CYP4F3: variants seen among roughly 807,000 people sequenced by gnomAD.
CYP4F3 encodes the protein cytochrome P450 family 4 subfamily F member 3, also known as cytochrome P450 4F3.
Under a neutral mutation model 54.8 loss-of-function variants are expected in CYP4F3, and 50 were observed. The ratio of observed to expected loss-of-function variants is 0.91; its 90% CI spans 0.73 to 1.16. The LOEUF (loss-of-function observed/expected upper bound fraction) is 1.16, where lower values mean the gene tolerates loss of function less well. CYP4F3 is among the 50% of genes most tolerant of loss of function. CYP4F3 has a pLI of 0.00. For missense variants in CYP4F3, 715 were observed against 676.2 expected (o/e 1.06, Z -0.64); for synonymous variants, 244 against 262.6 (o/e 0.93, Z 0.69).
rs1973162693 is a variant in CYP4F3 at position 15,660,691 on chromosome 19, G to C, written c.*1306G>C. ...TCACCTGGGGACCACTCCAGAGTGA[G>C]TAGACAAGACTTTGACAGGGGTGCC... On this transcript the variant is annotated 3_prime_UTR_variant, in exon 13 of 13. Coordinates refer to ENST00000221307, the MANE Select transcript of CYP4F3 (RefSeq NM_000896.3). The C allele has an allele frequency of 6.6e-6, 1 of 151,924 alleles. No homozygotes were observed. The highest frequency in any genetic ancestry group is 1.5e-5 in the Non-Finnish European group (1 of 68,246). The allele number at this position is 151,924 out of a possible 1,614,324, so 9.4% of individuals were successfully genotyped here.
chr19:15,647,359 CTT>C, intron 5 of CYP4F3, 35 bp downstream of exon 5: 1 of 1,613,232 alleles, frequency 6.2e-7, no homozygotes. Flanking sequence ...CAGCTGCAGC[CTT>C]TGGTTGGGGG....
chr19:15,652,309 A>G (rs1599901089), intron 7 of CYP4F3, among the ~76,000 whole-genome samples: 1 of 152,254 alleles, frequency 6.6e-6, no homozygotes, highest in Middle Eastern at 3.4e-3. Flanking sequence ...GTTTTCATCA[A>G]GCAGAAACAT....
chr19:15,650,183 G>A lies in CYP4F3; in HGVS notation c.918G>A (p.Lys306=), dbSNP rs1972753186. Residue 306 remains lysine (K), a splice_region_variant and synonymous_variant, in exon 7 of 13, where the codon AAG becomes AAA. Transcript: ENST00000221307. ...LDFIDVLLLS[K]DEDGKKLSDE... The stretch of plus-strand genomic sequence containing the variant: ...TCATTGATGTACTCCTGCTGAGCAA[G>A]GTGGGCCTCTCTGGGATCTGAATTC... The A allele has an allele frequency of 6.2e-7, 1 of 1,614,074 alleles. No homozygotes were observed. The highest frequency in any genetic ancestry group is 1.7e-5 in the Admixed American group (1 of 60,008).
chr19:15,658,333 C>A lies in CYP4F3; in HGVS notation c.1185C>A (p.Val395=). 1 of 1,614,142 alleles carries A rather than the reference C, an allele frequency of 6.2e-7. No individual in the cohort carries two copies. Among genetic ancestry groups the A allele is most frequent in the Non-Finnish European group, 8.5e-7 (1 of 1,180,032 alleles). Residue 395 remains valine, a synonymous_variant, in exon 10 of 13, where the codon GTC becomes GTA. Transcript: ENST00000221307. ...IKESLRLHPP[V]PAVSRCCTQD... ...AGAGCCTGAGGCTGCATCCCCCAGTCCCTGCCGTCTCTCGCTGCTGCACCC... is the reference window on the plus strand; with the variant it reads ...AGAGCCTGAGGCTGCATCCCCCAGTACCTGCCGTCTCTCGCTGCTGCACCC...
At chr19:15,646,996 C>G in intron 3 of CYP4F3, 56 bp from the exon 4 acceptor site, 1 of 1,607,642 alleles carries the variant, frequency 6.2e-7, no homozygotes, top group Non-Finnish European at 8.5e-7. Context: ...CCCCCCACCC[C>G]CAAAGTTCCT....
chr19:15,644,312 A>G (rs1049946862), intron 2 of CYP4F3, among the ~76,000 whole-genome samples: 1 of 152,040 alleles, frequency 6.6e-6, no homozygotes, highest in African/African-American at 2.4e-5. Context: ...GTCCTGGAGG[A>G]ACCCCCAAGC....
intron 2 of CYP4F3, among the ~76,000 whole-genome samples, chr19:15,645,437 T>G (rs1248800719): frequency 6.6e-6 from 1 of 152,204 alleles, no homozygotes; most frequent in Non-Finnish European, 1.5e-5. Flanking sequence ...CTTTATCATT[T>G]AGAGCCTCAG....
chr19:15,642,383 TG>T (rs1568390769), intron 2 of CYP4F3, among the ~76,000 whole-genome samples: 1 of 152,188 alleles, frequency 6.6e-6, no homozygotes, highest in Non-Finnish European at 1.5e-5. Flanking sequence ...GAGTCACCTC[TG>T]CTCCCCTAGT....
intron 8 of CYP4F3, 74 bp downstream of exon 8, chr19:15,652,709 C>T (rs984571381): frequency 1.5e-5 from 24 of 1,610,650 alleles, no homozygotes; most frequent in Admixed American, 1.0e-4. Context: ...GTGGACCCCT[C>T]GCACTTCCCA....
intron 9 of CYP4F3, among the ~76,000 whole-genome samples, chr19:15,655,401 C>T (rs1972985341): frequency 6.6e-6 from 1 of 152,106 alleles, no homozygotes; most frequent in Non-Finnish European, 1.5e-5. Flanking sequence ...TCTCTATTGG[C>T]TCTGCTTTTG....
intron 9 of CYP4F3, among the ~76,000 whole-genome samples, chr19:15,653,321 A>AG (rs1972916326): frequency 6.6e-6 from 1 of 151,488 alleles, no homozygotes; most frequent in Non-Finnish European, 1.5e-5. Context: ...CTACCCTTCC[A>AG]TCCAGTCCAG....
chr19:15,641,701 G>T, intron 2 of CYP4F3, 88 bp downstream of exon 2: 1 of 1,340,200 alleles, frequency 7.5e-7, no homozygotes. Context: ...GAGGGGGTGG[G>T]CTGGGGTCTG....
intron 9 of CYP4F3, among the ~76,000 whole-genome samples, chr19:15,653,613 G>T (rs1282525641): frequency 6.6e-5 from 10 of 152,092 alleles, no homozygotes; most frequent in Admixed American, 6.5e-4. Context: ...AGGACTAGGG[G>T]GGTATAGAAA....
chr19:15,645,328 G>A (rs547623830), intron 2 of CYP4F3, among the ~76,000 whole-genome samples: 13 of 152,308 alleles, frequency 8.5e-5, no homozygotes, highest in Non-Finnish European at 1.9e-4. Context: ...TGTTTTGGGG[G>A]CACAAAGAAG....
intron 3 of CYP4F3, among the ~76,000 whole-genome samples, chr19:15,646,524 C>T (rs756257467): frequency 5.3e-5 from 8 of 152,118 alleles, no homozygotes; most frequent in Non-Finnish European, 1.0e-4. Context: ...ATGTGGAACA[C>T]GCTTTTAAGG....
At position 15,652,853 on chromosome 19, in the gene CYP4F3, G is replaced by C; in HGVS notation, c.1016G>C (p.Trp339Ser). 6.2e-7 allele frequency: 1 copy of C among 1,613,650 alleles called. No individual in the cohort carries two copies. Among genetic ancestry groups the C allele is most frequent in the Non-Finnish European group, 8.5e-7 (1 of 1,179,746 alleles). Reference sequence around the variant, plus strand: ...GACACCACAGCCAGTGGTCTCTCCTGGGTCCTGTACCACCTTGCAAAGCAC... The same window carrying C: ...GACACCACAGCCAGTGGTCTCTCCTCGGTCCTGTACCACCTTGCAAAGCAC... ...GHDTTASGLS[W>S]VLYHLAKHPE... The change falls in exon 9 of 13, where the codon TGG (tryptophan) becomes TCG (serine). Residue 339 changes from tryptophan (W) to serine (S), a missense_variant. By Grantham distance (177) the Trp-to-Ser change is radical (BLOSUM62 -3). Coordinates refer to ENST00000221307, the MANE Select transcript of CYP4F3 (RefSeq NM_000896.3).
chr19:15,655,705 G>A (rs28371489), intron 9 of CYP4F3, among the ~76,000 whole-genome samples: 19,593 of 152,062 alleles, frequency 0.13, 1,681 homozygotes, highest in Middle Eastern at 0.22. Flanking sequence ...AATAGACACG[G>A]GTCTGCATAT....
chr19:15,661,268 AAAAAC>A lies in CYP4F3; in HGVS notation c.*1913_*1917del, dbSNP rs149539096. 0.58 allele frequency: 85,106 copies of A among 146,698 alleles called. 24,455 individuals carry two copies. The highest frequency in any genetic ancestry group is 0.7 in the East Asian group (3,445 of 4,952). The allele number at this position is 146,698 out of a possible 1,614,324, so 9.1% of individuals were successfully genotyped here. A position where few individuals can be genotyped will look rare whatever the true frequency, so the allele number is the denominator to read the frequency against. ...GGGGGACATAGCGAGACTCGGTCTC[AAAAAC>A]AAAACAAAACAAAACAAAACAAAAC... On this transcript the variant is annotated 3_prime_UTR_variant, in exon 13 of 13. Coordinates refer to ENST00000221307, the MANE Select transcript of CYP4F3 (RefSeq NM_000896.3).
In CYP4F3 at chr19:15,641,573, A is replaced by G; in HGVS notation, c.158A>G (p.Gln53Arg). Residue 53 changes from glutamine to arginine, a missense_variant, in exon 2 of 13, where the codon CAA becomes CGA. Coordinates refer to ENST00000221307, the MANE Select transcript of CYP4F3 (RefSeq NM_000896.3). Reference sequence around the variant, plus strand: ...TGCTGCCGCCTCCGGTGTTTCCCGCAACCCCCGAAACGGAATTGGTTCTTG... The same window carrying G: ...TGCTGCCGCCTCCGGTGTTTCCCGCGACCCCCGAAACGGAATTGGTTCTTG... Reference protein sequence around the residue: ...DNCCRLRCFPQPPKRNWFLGH... With the variant: ...DNCCRLRCFPRPPKRNWFLGH... The G allele has an allele frequency of 6.2e-6, 10 of 1,613,972 alleles. No homozygotes were observed. The highest frequency in any genetic ancestry group is 2.2e-5 in the East Asian group (1 of 44,850).
Sources: allele counts gnomAD v4.1 joint callset (sites outside exome capture counted in the v4.1 genomes callset), GRCh38; gene constraint gnomAD v4.1.1; transcripts MANE v1.5; gene names NCBI Gene and HGNC (gene_info 2026-07-23, HGNC 2026-07-21).